Variants in RARB observed in about 807,000 individuals in gnomAD.
RARB encodes retinoic acid receptor beta, also known as HBV-activated protein.
In RARB, 17 loss-of-function variants were observed where a neutral mutation model predicts 51.9. That is an observed-to-expected ratio of 0.33 (90% CI 0.22 to 0.49). The LOEUF (loss-of-function observed/expected upper bound fraction) is 0.49, where lower values mean the gene tolerates loss of function less well. Ranked by LOEUF, RARB falls within the 20% of genes least tolerant of loss-of-function variation. RARB has a pLI of 0.99. For synonymous variants in RARB, 215 were observed against 195.4 expected (o/e 1.10, Z -0.84); for missense variants, 369 against 550.8 (o/e 0.67, Z 3.30).
chr3:25,527,539 C>A (rs1445720907), intron 3 of RARB, among the ~76,000 whole-genome samples: 1 of 152,154 alleles, frequency 6.6e-6, no homozygotes, highest in African/African-American at 2.4e-5. Context: ...ACTGGAGTTT[C>A]CTTAAGTACA....
At position 24,911,871 on chromosome 3, in the gene RARB, G is replaced by T. The variant is rs548816010; in HGVS notation, c.-380+53119G>T. Among the ~76,000 whole-genome samples, 3 of 152,306 alleles carry T rather than the reference G, an allele frequency of 2.0e-5. No homozygotes were observed. In the South Asian group the frequency reaches 6.2e-4, roughly 32 times the overall value. Reference sequence around the variant, plus strand: ...GAAGAATTTTCTATAGACTTCACTAGATTTTCAAAGCATCTTGTGATATTC... The same window carrying T: ...GAAGAATTTTCTATAGACTTCACTATATTTTCAAAGCATCTTGTGATATTC... On this transcript the variant is annotated intron_variant, in intron 2 of 11. Transcript: ENST00000383772.
chr3:25,108,900 G>A (rs1366005674), intron 3 of RARB, among the ~76,000 whole-genome samples: 5 of 152,066 alleles, frequency 3.3e-5, no homozygotes, highest in Admixed American at 6.6e-5. Context: ...TAAACATTCT[G>A]TGTCAGTTTC....
chr3:25,222,989 A>G (rs1161330208), intron 5 of RARB, among the ~76,000 whole-genome samples: 2 of 152,262 alleles, frequency 1.3e-5, no homozygotes, highest in Non-Finnish European at 1.5e-5. Context: ...CTTTTTTAAG[A>G]AGGTAGATAG....
chr3:25,319,112 A>G (rs1448356631), intron 5 of RARB, among the ~76,000 whole-genome samples: 1 of 152,218 alleles, frequency 6.6e-6, no homozygotes, highest in Admixed American at 6.5e-5. Flanking sequence ...TGAGGAGATG[A>G]AAGAAAATTC....
chr3:25,084,314 T>G (rs1243304801), intron 3 of RARB, among the ~76,000 whole-genome samples: 1 of 152,224 alleles, frequency 6.6e-6, no homozygotes, highest in Non-Finnish European at 1.5e-5. Flanking sequence ...AAACAGTTGC[T>G]GTATGTGTTT....
chr3:25,411,234 G>A (rs1707554079), intron 5 of RARB, among the ~76,000 whole-genome samples: 1 of 152,172 alleles, frequency 6.6e-6, no homozygotes, highest in Non-Finnish European at 1.5e-5. Context: ...ATAAGATGAA[G>A]AAGTCACACA....
chr3:24,979,367 A>T (rs568712428), intron 2 of RARB, among the ~76,000 whole-genome samples: 1 of 152,074 alleles, frequency 6.6e-6, no homozygotes, highest in Non-Finnish European at 1.5e-5. Flanking sequence ...ATTGTGTGGG[A>T]GTCTAAGTCT....
Position 24,845,474 on chromosome 3 carries a change from G to A in RARB, c.-458-13200G>A, listed in dbSNP as rs139201560. On this transcript the variant is annotated intron_variant, in intron 1 of 11. Transcript: ENST00000383772. ...GGTATTGACATTCAGTTGGCAGATG[G>A]GGCAAGAGAGAGAGAGAATCATGCA... Among the ~76,000 whole-genome samples, 371 of 152,266 alleles carry A rather than the reference G, an allele frequency of 2.4e-3. 2 individuals are homozygous for A. Among genetic ancestry groups the A allele is most frequent in the Middle Eastern group, 0.01 (3 of 294 alleles).
At position 25,487,254 on chromosome 3, in the gene RARB, G is replaced by C. The variant is rs148110718; in HGVS notation, c.307-13928G>C. ...TTCCATGGAAGTGTGTTAAAGTTAT[G>C]TCCACTAAATGGGTTACTTTGGCTT... On this transcript the variant is annotated intron_variant, in intron 2 of 7. Transcript: ENST00000330688. Among the ~76,000 whole-genome samples the C allele has an allele frequency of 3.2e-4, 48 of 152,294 alleles. No individual in the cohort carries two copies. In the East Asian group the frequency reaches 8.5e-3, roughly 27 times the overall value.
rs576983014 is a variant in RARB at position 25,205,411 on chromosome 3, C to T, written c.178+30836C>T. ...GCCTCACCCTGCTTTGGCTCACGTT[C>T]GGTGCGCTGCATCCACTGTCCTGCA... On this transcript the variant is annotated intron_variant, in intron 5 of 11. Coordinates refer to the RARB transcript ENST00000383772. Among the ~76,000 whole-genome samples the T allele has an allele frequency of 1.2e-4, 19 of 152,232 alleles. No individual in the cohort carries two copies. The South Asian group carries it at 1.5e-3, about 12-fold the overall frequency.
At chr3:25,288,265 C>T (rs75258270) in intron 5 of RARB, among the ~76,000 whole-genome samples, 2,851 of 152,150 alleles carry the variant, frequency 0.019, 103 homozygotes, top group African/African-American at 0.063. Flanking sequence ...CTAAGACATT[C>T]TGGATATTAA....
chr3:25,484,395 G>A lies in RARB; in HGVS notation c.307-16787G>A, dbSNP rs908994859. ...GTTGATAATTAGGGTGTATGTGTAC[G>A]TGTGTGCATGTGTGAGAGAGTGAGA... is the stretch of plus-strand genomic sequence containing the variant. On this transcript the variant is annotated intron_variant, in intron 2 of 7. Coordinates refer to ENST00000330688, the MANE Select transcript of RARB (RefSeq NM_000965.5). 3.9e-5 allele frequency among the ~76,000 whole-genome samples: 6 copies of A among 151,904 alleles called. No homozygotes were observed. In the East Asian group the frequency reaches 5.8e-4, roughly 15 times the overall value.
intron 2 of RARB, among the ~76,000 whole-genome samples, chr3:24,865,012 C>T (rs974644814): frequency 4.6e-5 from 7 of 152,266 alleles, no homozygotes; most frequent in Middle Eastern, 3.4e-3. Context: ...TTAAATCTCT[C>T]GTCTCCATCG....
At chr3:25,174,362 G>A (rs764170553) in exon 5 of RARB, 3 of 1,345,844 alleles carry the variant, frequency 2.2e-6, no homozygotes, top group Admixed American at 1.9e-5. Context: ...ATGTGTTCCT[G>A]CTCCAGAGCA....
intron 5 of RARB, among the ~76,000 whole-genome samples, chr3:25,238,236 TG>T (rs1423708668): frequency 1.3e-5 from 2 of 152,144 alleles, no homozygotes; most frequent in Non-Finnish European, 2.9e-5. Context: ...TTCCTACATA[TG>T]AATGAAAACA....
intron 2 of RARB, among the ~76,000 whole-genome samples, chr3:24,993,736 T>A (rs1302085613): frequency 6.6e-6 from 1 of 152,096 alleles, no homozygotes; most frequent in African/African-American, 2.4e-5. Context: ...ATTTTTTAGC[T>A]TTTGCCTGAG....
intron 3 of RARB, among the ~76,000 whole-genome samples, chr3:25,124,465 C>T (rs182884508): frequency 2.1e-4 from 32 of 152,258 alleles, no homozygotes; most frequent in African/African-American, 6.0e-4. Flanking sequence ...GTACACTTAC[C>T]ATGTTAATAG....
chr3:25,203,947 G>C (rs937166800), intron 5 of RARB, among the ~76,000 whole-genome samples: 50 of 152,040 alleles, frequency 3.3e-4, no homozygotes, highest in African/African-American at 1.0e-3. Flanking sequence ...GGGGAGTTCT[G>C]TGTATTTCCT....
chr3:25,286,262 G>T (rs1261280697), intron 5 of RARB, among the ~76,000 whole-genome samples: 2 of 151,762 alleles, frequency 1.3e-5, no homozygotes, highest in Admixed American at 6.6e-5. Context: ...CTAATTTTTT[G>T]TATTTTGAGC....
Sources: gnomAD v4.1 joint callset for allele counts (sites outside exome capture counted in the v4.1 genomes callset) on GRCh38, gnomAD v4.1.1 for gene constraint, MANE v1.5 for transcripts, NCBI Gene and HGNC (gene_info 2026-07-23, HGNC 2026-07-21) for gene names.